The following KIAA1328 variants were observed in gnomAD, a reference collection of about 807,000 sequenced individuals.
KIAA1328 encodes KIAA1328.
A neutral mutation model predicts 68.1 loss-of-function variants in KIAA1328; 52 were observed. The ratio of observed to expected loss-of-function variants is 0.76; its 90% confidence interval spans 0.61 to 0.96. KIAA1328 has a LOEUF of 0.96. KIAA1328 is among the 40% of genes least tolerant of loss of function. The pLI is 0.00. For synonymous variants in KIAA1328, 232 were observed against 239.4 expected (o/e 0.97, Z 0.28); for missense variants, 641 against 677.6 (o/e 0.95, Z 0.60).
chr18:36,831,051 T>G (rs942458701), intron 1 of KIAA1328, among the ~76,000 whole-genome samples: 2 of 152,148 alleles, frequency 1.3e-5, no homozygotes, highest in Non-Finnish European at 2.9e-5. Context: ...TCATTTGATT[T>G]AGTTACATGT....
chr18:37,081,168 G>A (rs139843385), intron 7 of KIAA1328, among the ~76,000 whole-genome samples: 1 of 152,170 alleles, frequency 6.6e-6, no homozygotes, highest in Non-Finnish European at 1.5e-5. Context: ...TTTTAGTAGA[G>A]ACAGGGTTTC....
At chr18:37,081,180 C>T (rs1323749700) in intron 7 of KIAA1328, among the ~76,000 whole-genome samples, 1 of 152,106 alleles carries the variant, frequency 6.6e-6, no homozygotes, top group Non-Finnish European at 1.5e-5. Context: ...CAGGGTTTCA[C>T]CATGTTGGCC....
intron 9 of KIAA1328, among the ~76,000 whole-genome samples, chr18:37,213,134 AC>A (rs1265287379): frequency 6.6e-6 from 1 of 152,232 alleles, no homozygotes; most frequent in African/African-American, 2.4e-5. Context: ...AAATGAGATT[AC>A]AAAAATTTTT....
At chr18:37,151,589 G>A (rs367597837) in intron 7 of KIAA1328, among the ~76,000 whole-genome samples, 2 of 152,072 alleles carry the variant, frequency 1.3e-5, no homozygotes, top group Non-Finnish European at 2.9e-5. Context: ...TAAATAGATC[G>A]ATGGAAAAGA....
intron 6 of KIAA1328, among the ~76,000 whole-genome samples, chr18:36,964,412 A>G (rs1598839550): frequency 6.6e-6 from 1 of 152,056 alleles, no homozygotes; most frequent in African/African-American, 2.4e-5. Flanking sequence ...ACTTTGAGAG[A>G]CTTTTTCTGT....
At chr18:36,853,816 C>T (rs973378136) in intron 4 of KIAA1328, among the ~76,000 whole-genome samples, 2 of 152,070 alleles carry the variant, frequency 1.3e-5, no homozygotes, top group African/African-American at 4.8e-5. Flanking sequence ...CCACCAAGCC[C>T]AGCTAATTTT....
At chr18:37,034,150 G>A (rs2054938240) in intron 6 of KIAA1328, among the ~76,000 whole-genome samples, 2 of 152,124 alleles carry the variant, frequency 1.3e-5, no homozygotes, top group Non-Finnish European at 2.9e-5. Flanking sequence ...AAGGCTTTAT[G>A]GAGAGGAAAG....
chr18:37,092,252 G>C (rs544727066), intron 7 of KIAA1328, among the ~76,000 whole-genome samples: 1 of 151,920 alleles, frequency 6.6e-6, no homozygotes, highest in Non-Finnish European at 1.5e-5. Context: ...CCTAATGAGA[G>C]GTCCACCCTA....
intron 4 of KIAA1328, among the ~76,000 whole-genome samples, chr18:36,862,054 TTGAGA>T (rs1285856247): frequency 1.3e-5 from 2 of 152,166 alleles, no homozygotes; most frequent in Non-Finnish European, 2.9e-5. Flanking sequence ...ACTTTTTGTT[TTGAGA>T]TAATTGTAGA....
At chr18:37,216,543 C>G (rs923743435) in intron 9 of KIAA1328, among the ~76,000 whole-genome samples, 5 of 152,158 alleles carry the variant, frequency 3.3e-5, no homozygotes, top group Non-Finnish European at 7.3e-5. Flanking sequence ...GAGTGCTTTA[C>G]TTCTAACTAT....
chr18:37,166,523 A>C (rs2059392941), intron 8 of KIAA1328, among the ~76,000 whole-genome samples: 1 of 152,140 alleles, frequency 6.6e-6, no homozygotes, highest in African/African-American at 2.4e-5. Context: ...AGGGAAGCCA[A>C]AAGATTGGGT....
At chr18:36,872,364 A>G (rs2047976862) in intron 4 of KIAA1328, among the ~76,000 whole-genome samples, 1 of 152,202 alleles carries the variant, frequency 6.6e-6, no homozygotes, top group Non-Finnish European at 1.5e-5. Flanking sequence ...ACTAACAAGT[A>G]TCTAGTAAAA....
chr18:37,159,364 T>G (rs995638712), intron 7 of KIAA1328, among the ~76,000 whole-genome samples: 1 of 152,226 alleles, frequency 6.6e-6, no homozygotes, highest in Non-Finnish European at 1.5e-5. Flanking sequence ...TTAAACGTTT[T>G]AATTTTAGAA....
At position 37,160,222 on chromosome 18, in the gene KIAA1328, G is replaced by A; in HGVS notation, c.1255G>A (p.Gly419Ser). ...CAGTTTATTGAAGTCAAACTGTGAT[G>A]GCTGGCTGCTTGGAACATCATCATC... ...YNCLLKSNCD[G>S]WLLGTSSSIK... is the part of the protein sequence containing the mutation. Residue 419 changes from glycine to serine, a missense_variant, in exon 8 of 10, where the codon GGC becomes AGC. Gly to Ser is a moderately conservative substitution (Grantham distance 56). Coordinates refer to ENST00000280020, the MANE Select transcript of KIAA1328 (RefSeq NM_020776.3). The A allele has an allele frequency of 6.2e-7, 1 of 1,612,762 alleles. No homozygotes were observed. The highest frequency in any genetic ancestry group is 8.5e-7 in the Non-Finnish European group (1 of 1,179,330).
intron 6 of KIAA1328, among the ~76,000 whole-genome samples, chr18:37,057,181 A>G (rs1164204617): frequency 2.0e-5 from 3 of 152,172 alleles, no homozygotes; most frequent in Non-Finnish European, 4.4e-5. Flanking sequence ...CTGGGTTTTG[A>G]GCATATTCAT....
chr18:37,067,237 T>C lies in KIAA1328; in HGVS notation c.924T>C (p.His308=), dbSNP rs1358354246. Residue 308 remains histidine (H), a synonymous_variant, in exon 7 of 10, where the codon CAT becomes CAC. Transcript: ENST00000280020. ...LKPTPSQCCG[H]RLAADRVHDS... is the part of the protein sequence containing the mutation. ...CTACTCCTAGTCAATGCTGTGGTCA[T>C]AGACTTGCTGCAGATCGTGTTCATG... 1 of 1,614,002 alleles carries C rather than the reference T, an allele frequency of 6.2e-7. No homozygotes were observed. The highest frequency in any genetic ancestry group is 8.5e-7 in the Non-Finnish European group (1 of 1,179,878).
At chr18:37,066,804 A>G (rs912259793) in intron 6 of KIAA1328, 86 bp from the exon 7 acceptor site, 3 of 1,236,014 alleles carry the variant, frequency 2.4e-6, no homozygotes, top group Non-Finnish European at 3.3e-6. Flanking sequence ...CTTGGTAAAT[A>G]TATATCACTG....
At chr18:37,018,934 C>T (rs1403208877) in intron 6 of KIAA1328, among the ~76,000 whole-genome samples, 1 of 152,020 alleles carries the variant, frequency 6.6e-6, no homozygotes, top group Non-Finnish European at 1.5e-5. Context: ...TTCTAAGTTT[C>T]TGTTTTGGTT....
At chr18:36,968,517 AC>A (rs2052036662) in intron 6 of KIAA1328, among the ~76,000 whole-genome samples, 1 of 147,962 alleles carries the variant, frequency 6.8e-6, no homozygotes, top group African/African-American at 2.5e-5. Flanking sequence ...GAATCAGAAA[AC>A]AAAGATCAAA....
Sources: allele counts gnomAD v4.1 joint callset (sites outside exome capture counted in the v4.1 genomes callset), GRCh38; gene constraint gnomAD v4.1.1; transcripts MANE v1.5; gene names NCBI Gene and HGNC (gene_info 2026-07-23, HGNC 2026-07-21).